The following NUP58 variants were observed in gnomAD, a reference collection of about 807,000 sequenced individuals.
The protein encoded by NUP58 is nucleoporin 58.
In NUP58, 17 loss-of-function variants were observed where a neutral mutation model predicts 70.1. That is an observed-to-expected ratio of 0.24 (90% CI 0.17 to 0.36). NUP58 has a LOEUF of 0.36. Ranked by LOEUF, NUP58 falls within the 10% of genes least tolerant of loss-of-function variation. The probability of loss-of-function intolerance (pLI) is 1.00; values close to 1 mark genes in which losing one functional copy is unlikely to be tolerated. For synonymous variants in NUP58, 275 were observed against 257.6 expected (o/e 1.07, Z -0.65); for missense variants, 644 against 701.5 (o/e 0.92, Z 0.93).
intron 7 of NUP58, among the ~76,000 whole-genome samples, chr13:25,319,828 T>TATTAAATA (rs1245692149): frequency 3.9e-5 from 6 of 152,128 alleles, no homozygotes; most frequent in Non-Finnish European, 7.4e-5. Context: ...ATTTGTACTA[T>TATTAAATA]ATTAAATAAA....
intron 9 of NUP58, among the ~76,000 whole-genome samples, chr13:25,321,462 G>T (rs555242574): frequency 1.3e-5 from 2 of 152,264 alleles, no homozygotes; most frequent in South Asian, 4.1e-4. Context: ...AACTAACTAG[G>T]TTTCGTAAGT....
At chr13:25,333,495 C>T in intron 13 of NUP58, 1 of 985,348 alleles carries the variant, frequency 1.0e-6, no homozygotes, top group Non-Finnish European at 1.2e-6. Context: ...AATTTATTAA[C>T]CTAAACAACC....
chr13:25,315,565 AT>A, intron 6 of NUP58, 98 bp downstream of exon 6: 1 of 772,652 alleles, frequency 1.3e-6, no homozygotes, highest in Non-Finnish European at 2.2e-6. Flanking sequence ...GCAGTTATAT[AT>A]TTAGTAGTAA....
intron 3 of NUP58, among the ~76,000 whole-genome samples, chr13:25,311,823 T>C (rs1268936364): frequency 6.6e-6 from 1 of 152,126 alleles, no homozygotes; most frequent in Non-Finnish European, 1.5e-5. Context: ...ATGCTTGTAG[T>C]ACAGGATATT....
rs868520153 is a variant in NUP58, at chr13:25,304,514, A to G, written c.107+2634A>G. On this transcript the variant is annotated intron_variant, in intron 1 of 15. Transcript: ENST00000381736. ...TATATATATATATATATATATATAT[A>G]TATGTATTTTTTTTTTTTTTTAAGA... 2.0e-3 allele frequency among the ~76,000 whole-genome samples: 112 copies of G among 56,196 alleles called. 2 individuals carry two copies. The highest frequency in any genetic ancestry group is 5.0e-3 in the African/African-American group (91 of 18,374). The allele number at this position is 56,196 out of a possible 152,430, so 36.9% of individuals were successfully genotyped here.
chr13:25,308,339 T>C (rs1206489196), intron 2 of NUP58, among the ~76,000 whole-genome samples: 1 of 152,122 alleles, frequency 6.6e-6, no homozygotes, highest in Non-Finnish European at 1.5e-5. Context: ...CTTGCTCTGT[T>C]GTCTAGGCTG....
rs147576331 is a variant in NUP58 at position 25,320,438 on chromosome 13, TTG to T, written c.711-88_711-87del. ...ATACGTGCTTTTTTGCTATATTTTCTTGTGTCTTAATACTCTAATACTCTATT... is the reference window on the plus strand; with the variant it reads ...ATACGTGCTTTTTTGCTATATTTTCTTGTCTTAATACTCTAATACTCTATT... On this transcript the variant is annotated intron_variant, in intron 7 of 15. Coordinates refer to ENST00000381736, the MANE Select transcript of NUP58 (RefSeq NM_014089.4). 583 of 790,674 alleles carry T rather than the reference TTG, an allele frequency of 7.4e-4. 4 individuals carry two copies. In the African/African-American group the frequency reaches 9.7e-3, roughly 13 times the overall value. The allele number at this position is 790,674 out of a possible 1,614,324, so 49.0% of individuals were successfully genotyped here. A position where few individuals can be genotyped will look rare whatever the true frequency, so the allele number is the denominator to read the frequency against.
chr13:25,334,091 C>T, intron 13 of NUP58: 1 of 985,072 alleles, frequency 1.0e-6, no homozygotes, highest in Non-Finnish European at 1.2e-6. Flanking sequence ...GTGTGATTTA[C>T]AGTTATTTGT....
intron 7 of NUP58, 144 bp from the exon 8 acceptor site, chr13:25,320,386 A>T (rs1181206573): frequency 1.1e-5 from 6 of 541,602 alleles, no homozygotes; most frequent in Non-Finnish European, 2.0e-5. Context: ...TTTTTTATAA[A>T]GAGCTTTGAA....
chr13:25,309,490 C>T (rs1218204886), intron 3 of NUP58: 1 of 430,520 alleles, frequency 2.3e-6, no homozygotes, highest in South Asian at 5.4e-5. Context: ...TTTTATAATT[C>T]AGAAAAGTAT....
Position 25,320,999 on chromosome 13 carries a change from A to C in NUP58, c.857A>C (p.Asp286Ala). ...AAAGCAATGCTTAAGGTACAAGAAGATATTAAAGCTCTGAAGCAGCTCCTG... is the reference window on the plus strand; with the variant it reads ...AAAGCAATGCTTAAGGTACAAGAAGCTATTAAAGCTCTGAAGCAGCTCCTG... ...SSKAMLKVQE[D>A]IKALKQLLSL... Residue 286 changes from aspartate to alanine, a missense_variant, in exon 9 of 16, where the codon GAT (aspartate) becomes GCT (alanine). Asp to Ala is a moderately radical substitution (Grantham distance 126). This residue lies in a region of NUP58 where 430 missense variants were observed against 409.2 expected (regional missense o/e 1.05). Coordinates refer to ENST00000381736, the MANE Select transcript of NUP58 (RefSeq NM_014089.4). 2.5e-6 allele frequency: 4 copies of C among 1,600,744 alleles called. No homozygotes were observed. The highest frequency in any genetic ancestry group is 3.4e-6 in the Non-Finnish European group (4 of 1,175,212).
At chr13:25,312,637 G>A (rs932804748) in intron 3 of NUP58, among the ~76,000 whole-genome samples, 3 of 152,144 alleles carry the variant, frequency 2.0e-5, no homozygotes, top group African/African-American at 7.2e-5. Flanking sequence ...CAAAGTTTTG[G>A]GATCACAGGC....
chr13:25,345,951 A>G (rs981638151), downstream of NUP58, among the ~76,000 whole-genome samples: 1 of 152,150 alleles, frequency 6.6e-6, no homozygotes, highest in Non-Finnish European at 1.5e-5. Flanking sequence ...AATGGAAACA[A>G]AAAACCTACC....
At chr13:25,322,108 T>C (rs552215645) in intron 9 of NUP58, among the ~76,000 whole-genome samples, 1 of 152,340 alleles carries the variant, frequency 6.6e-6, no homozygotes, top group South Asian at 2.1e-4. Context: ...AGAATATACT[T>C]GATCTCATCA....
At chr13:25,348,442 G>A (rs1566077359) in intron 3 of NUP58, among the ~76,000 whole-genome samples, 2 of 152,146 alleles carry the variant, frequency 1.3e-5, no homozygotes, top group East Asian at 1.9e-4. Context: ...AGTATAAAAT[G>A]TATTATTATT....
chr13:25,313,410 C>T (rs1207921812), intron 4 of NUP58, among the ~76,000 whole-genome samples: 1 of 152,182 alleles, frequency 6.6e-6, no homozygotes, highest in African/African-American at 2.4e-5. Flanking sequence ...TCTAATACTC[C>T]TCAAAGCCCT....
At chr13:25,319,223 C>T in intron 6 of NUP58, 103 bp from the exon 7 acceptor site, 1 of 681,490 alleles carries the variant, frequency 1.5e-6, no homozygotes, top group Non-Finnish European at 2.3e-6. Context: ...AAATGCTTAA[C>T]AGTTTATATT....
At chr13:25,325,336 C>T (rs1399686515) in intron 10 of NUP58, among the ~76,000 whole-genome samples, 1 of 152,104 alleles carries the variant, frequency 6.6e-6, no homozygotes, top group African/African-American at 2.4e-5. Flanking sequence ...ACAGAGTCTA[C>T]TCCATTTTAT....
chr13:25,324,899 C>A, intron 9 of NUP58, 90 bp from the exon 10 acceptor site: 4 of 841,202 alleles, frequency 4.8e-6, no homozygotes, highest in South Asian at 1.5e-5. Context: ...AAGTTTCAGT[C>A]CAGAGACTGA....
Sources: gnomAD v4.1 joint callset for allele counts (sites outside exome capture counted in the v4.1 genomes callset) on GRCh38, gnomAD v4.1.1 for gene constraint, gnomAD v4.1.1 regional missense constraint, MANE v1.5 for transcripts, NCBI Gene and HGNC (gene_info 2026-07-23, HGNC 2026-07-21) for gene names.